Variants in INPP4B observed in about 807,000 individuals in gnomAD.
INPP4B encodes inositol polyphosphate 4-phosphatase type II.
A neutral mutation model predicts 122.5 loss-of-function variants in INPP4B; 55 were observed. The ratio of observed to expected loss-of-function variants is 0.45; its 90% CI spans 0.36 to 0.56. INPP4B has a LOEUF of 0.56. Among genes scored for constraint, INPP4B ranks in the 20% least tolerant of loss-of-function variants. The pLI is 0.00. For synonymous variants in INPP4B, 403 were observed against 388.7 expected (o/e 1.04, Z -0.43); for missense variants, 1,000 against 1,097.7 (o/e 0.91, Z 1.26).
intron 2 of INPP4B, among the ~76,000 whole-genome samples, chr4:142,511,719 T>C (rs1824740633): frequency 6.6e-6 from 1 of 152,030 alleles, no homozygotes; most frequent in African/African-American, 2.4e-5. Context: ...TCTCACGTGA[T>C]TCCAATATGC....
chr4:142,164,917 T>C (rs1283600011), intron 16 of INPP4B, among the ~76,000 whole-genome samples: 1 of 151,584 alleles, frequency 6.6e-6, no homozygotes, highest in African/African-American at 2.4e-5. Flanking sequence ...TCTTTCTTGA[T>C]TGGCCTTTTC....
Position 142,259,226 on chromosome 4 carries a change from G to C in INPP4B, c.688+1266C>G, listed in dbSNP as rs1043226758. On this transcript the variant is annotated intron_variant, in intron 11 of 25. Coordinates refer to ENST00000262992, the MANE Select transcript of INPP4B (RefSeq NM_001101669.3). ...TTGTGGGGTGGGGGGAGGGGGGAGG[G>C]ATAGCATTGGGAGATATACCTAATG... Among the ~76,000 whole-genome samples, 4 of 108,100 alleles carry C rather than the reference G, an allele frequency of 3.7e-5. No individual in the cohort carries two copies. The Admixed American group carries it at 4.7e-4, about 13-fold the overall frequency. The allele number at this position is 108,100 out of a possible 152,430, so 70.9% of individuals were successfully genotyped here.
chr4:142,208,565 T>C, intron 13 of INPP4B, 36 bp from the exon 14 acceptor site: 1 of 1,129,306 alleles, frequency 8.9e-7, no homozygotes, highest in Non-Finnish European at 1.3e-6. Flanking sequence ...TATTAGTAAA[T>C]AATGATAAAT....
At chr4:142,248,572 C>T (rs1730233487) in intron 11 of INPP4B, among the ~76,000 whole-genome samples, 1 of 151,888 alleles carries the variant, frequency 6.6e-6, no homozygotes, top group Non-Finnish European at 1.5e-5. Flanking sequence ...CTTCTGACCC[C>T]AGGTGACCTG....
chr4:142,146,015 T>A lies in INPP4B; in HGVS notation c.1564-19A>T, dbSNP rs1321547964. The A allele has an allele frequency of 1.9e-6, 3 of 1,599,694 alleles. No homozygotes were observed. Among genetic ancestry groups the A allele is most frequent in the African/African-American group, 1.3e-5 (1 of 74,470 alleles). On this transcript the variant is annotated intron_variant, in intron 17 of 25. Transcript: ENST00000262992. ...CCCTGTCCTGAAAAAAGCATGAGTA[T>A]CACTACATATTTTTGTCACAAAAAC...
intron 17 of INPP4B, among the ~76,000 whole-genome samples, chr4:142,154,325 T>A (rs1295413625): frequency 6.6e-6 from 1 of 152,150 alleles, no homozygotes; most frequent in East Asian, 1.9e-4. Context: ...AATCTGCACA[T>A]TAATAATTAA....
intron 2 of INPP4B, among the ~76,000 whole-genome samples, chr4:142,613,358 C>T (rs910889226): frequency 6.6e-5 from 10 of 152,232 alleles, no homozygotes; most frequent in African/African-American, 2.4e-4. Context: ...ATAACAAATG[C>T]ATGCTCTTTA....
chr4:142,178,482 C>T (rs1579185273), intron 15 of INPP4B, among the ~76,000 whole-genome samples: 2 of 152,286 alleles, frequency 1.3e-5, no homozygotes, highest in Middle Eastern at 3.4e-3. Flanking sequence ...TTTTCCTTAA[C>T]TCCTTGACCA....
Position 142,272,808 on chromosome 4 carries a change from T to C in INPP4B, c.504-2034A>G, listed in dbSNP as rs182456999. 1.3e-3 allele frequency among the ~76,000 whole-genome samples: 200 copies of C among 152,188 alleles called. 1 individual carries two copies. The highest frequency in any genetic ancestry group is 6.8e-3 in the Middle Eastern group (2 of 294). ...CTTAAAAGTTAATTTTATAGATATT[T>C]GCAGATTTCTTTTTCATCAAAACTG... On this transcript the variant is annotated intron_variant, in intron 9 of 25. Coordinates refer to ENST00000262992, the MANE Select transcript of INPP4B (RefSeq NM_001101669.3).
chr4:142,665,886 C>T (rs1011310726), intron 2 of INPP4B, among the ~76,000 whole-genome samples: 1 of 152,088 alleles, frequency 6.6e-6, no homozygotes. Flanking sequence ...CCATGGATAG[C>T]ACTGAACTAT....
At chr4:142,668,926 G>A (rs184478800) in intron 2 of INPP4B, among the ~76,000 whole-genome samples, 127 of 152,052 alleles carry the variant, frequency 8.4e-4, no homozygotes, top group Admixed American at 2.2e-3. Flanking sequence ...GTGGTGGTGG[G>A]CACATGTAGT....
intron 2 of INPP4B, among the ~76,000 whole-genome samples, chr4:142,589,117 G>A (rs568840699): frequency 8.4e-4 from 128 of 152,018 alleles, no homozygotes; most frequent in African/African-American, 2.9e-3. Flanking sequence ...TTTCAACAAT[G>A]TGTCAGAACA....
At chr4:142,635,724 A>G (rs184584423) in intron 2 of INPP4B, among the ~76,000 whole-genome samples, 1 of 152,096 alleles carries the variant, frequency 6.6e-6, no homozygotes, top group Non-Finnish European at 1.5e-5. Flanking sequence ...AGGGTAGTAA[A>G]AAGGAGAGCA....
intron 16 of INPP4B, among the ~76,000 whole-genome samples, chr4:142,167,066 C>T (rs1348105856): frequency 1.3e-5 from 2 of 151,890 alleles, no homozygotes; most frequent in Non-Finnish European, 2.9e-5. Flanking sequence ...GAATATAAAT[C>T]ATTCTATAAT....
At chr4:142,385,426 T>A (rs1283729306) in intron 7 of INPP4B, among the ~76,000 whole-genome samples, 1 of 151,642 alleles carries the variant, frequency 6.6e-6, no homozygotes, top group African/African-American at 2.4e-5. Context: ...CAGTATGAAC[T>A]TAGGCCAGCA....
At chr4:142,547,509 GAGA>G (rs1829774995) in intron 2 of INPP4B, among the ~76,000 whole-genome samples, 1 of 152,082 alleles carries the variant, frequency 6.6e-6, no homozygotes, top group Non-Finnish European at 1.5e-5. Context: ...AATTTGGCAA[GAGA>G]AAAGTGTCCT....
At chr4:142,381,180 T>G (rs1028495302) in intron 7 of INPP4B, among the ~76,000 whole-genome samples, 1 of 152,130 alleles carries the variant, frequency 6.6e-6, no homozygotes. Context: ...TGCTGGCAGA[T>G]TTTTTTAAAG....
intron 7 of INPP4B, among the ~76,000 whole-genome samples, chr4:142,335,905 C>G (rs1337403149): frequency 6.6e-6 from 1 of 152,186 alleles, no homozygotes; most frequent in African/African-American, 2.4e-5. Context: ...AAAAGACAGC[C>G]TGAAGCCTGA....
chr4:142,721,804 G>A (rs1764728643), intron 2 of INPP4B, among the ~76,000 whole-genome samples: 1 of 152,166 alleles, frequency 6.6e-6, no homozygotes, highest in South Asian at 2.1e-4. Context: ...CTGGGTGACA[G>A]AGAGAGACTC....
Sources: allele counts gnomAD v4.1 joint callset (sites outside exome capture counted in the v4.1 genomes callset), GRCh38; gene constraint gnomAD v4.1.1; transcripts MANE v1.5; gene names NCBI Gene and HGNC (gene_info 2026-07-23, HGNC 2026-07-21).